The following WIF1 variants were observed in gnomAD, a reference collection of about 807,000 sequenced individuals.
The protein encoded by WIF1 is Wnt inhibitory factor 1.
In WIF1, 35 loss-of-function variants were observed where a neutral mutation model predicts 53.5. That is an observed-to-expected ratio of 0.65 (90% CI 0.50 to 0.87). WIF1 has a LOEUF of 0.87. Among genes scored for constraint, WIF1 ranks in the 40% least tolerant of loss-of-function variants. The pLI is 0.00. For missense variants in WIF1, 467 were observed against 476.8 expected (o/e 0.98, Z 0.19); for synonymous variants, 171 against 170.4 (o/e 1.00, Z -0.03).
chr12:65,084,082 T>C (rs1882998807), intron 2 of WIF1, among the ~76,000 whole-genome samples: 1 of 152,102 alleles, frequency 6.6e-6, no homozygotes, highest in East Asian at 1.9e-4. Context: ...GGGTTATTGC[T>C]GTTTCTTACC....
intron 2 of WIF1, among the ~76,000 whole-genome samples, chr12:65,114,076 A>T (rs796854210): frequency 6.6e-6 from 1 of 152,220 alleles, no homozygotes; most frequent in East Asian, 1.9e-4. Flanking sequence ...AATAAGTGTT[A>T]CCATAACTGC....
At chr12:65,093,380 G>A (rs1440013301) in intron 2 of WIF1, among the ~76,000 whole-genome samples, 2 of 151,898 alleles carry the variant, frequency 1.3e-5, no homozygotes, top group Non-Finnish European at 2.9e-5. Flanking sequence ...TGTTTTTTTT[G>A]TTTGTTTTTT....
intron 2 of WIF1, among the ~76,000 whole-genome samples, chr12:65,098,779 A>C (rs1883240831): frequency 6.6e-6 from 1 of 152,106 alleles, no homozygotes; most frequent in Non-Finnish European, 1.5e-5. Flanking sequence ...TGATATGGTG[A>C]TGTTGTATCC....
intron 9 of WIF1, among the ~76,000 whole-genome samples, chr12:65,053,127 T>G (rs1292533044): frequency 6.6e-6 from 1 of 152,226 alleles, no homozygotes; most frequent in Non-Finnish European, 1.5e-5. Context: ...CCTATAGGTC[T>G]TTTAGTCCAA....
At chr12:65,068,649 ATGTGTGTGTGTGTGTGTGTGTG>A (rs10590995) in intron 4 of WIF1, 93 bp downstream of exon 4, 8 of 1,005,186 alleles carry the variant, frequency 8.0e-6, no homozygotes, top group Admixed American at 2.8e-5. Flanking sequence ...CCAAAAAACC[ATGTGTGTGTGTGTGTGTGTGTG>A]TGTGTGTGTG....
rs765588592 is a variant in WIF1, at chr12:65,068,758, G to A, written c.538+6C>T. ...TGTCTTCTCTTGAATCACCATCGGTGCTTACCTTGTTGACATGTTTTAAAG... is the reference window on the plus strand; with the variant it reads ...TGTCTTCTCTTGAATCACCATCGGTACTTACCTTGTTGACATGTTTTAAAG... On this transcript the variant is annotated splice_donor_region_variant and intron_variant, in intron 4 of 9. Transcript: ENST00000286574. 2 of 1,612,924 alleles carry A rather than the reference G, an allele frequency of 1.2e-6. No homozygotes were observed. The highest frequency in any genetic ancestry group is 2.2e-5 in the East Asian group (1 of 44,840).
chr12:65,100,903 A>G (rs1883272892), intron 2 of WIF1, among the ~76,000 whole-genome samples: 1 of 151,930 alleles, frequency 6.6e-6, no homozygotes, highest in Non-Finnish European at 1.5e-5. Flanking sequence ...TAGCCACTTA[A>G]AAAAAAACCA....
In WIF1 at chr12:65,121,305, T is replaced by C. The variant is rs1883608549; in HGVS notation, c.-114A>G. The C allele has an allele frequency of 3.2e-6, 4 of 1,265,948 alleles. No individual in the cohort carries two copies. Among genetic ancestry groups the C allele is most frequent in the Non-Finnish European group, 4.0e-6 (4 of 1,000,546 alleles). 78.4% of individuals were successfully genotyped at this position (1,265,948 alleles called of 1,614,324 possible). A position where few individuals can be genotyped will look rare whatever the true frequency, so the allele number is the denominator to read the frequency against. On this transcript the variant is annotated 5_prime_UTR_variant, in exon 1 of 10. Transcript: ENST00000286574. ...TCCCTCAGCCAGGGCTGTTCCCGTT[T>C]AGACGGCTGGGCGCGTCGCCTCCCG...
At chr12:65,074,281 T>C (rs545878575) in intron 3 of WIF1, among the ~76,000 whole-genome samples, 1 of 152,108 alleles carries the variant, frequency 6.6e-6, no homozygotes, top group South Asian at 2.1e-4. Context: ...GCACTTAGGA[T>C]ACAAGCATTA....
At chr12:65,086,703 CT>C (rs35313351) in intron 2 of WIF1, among the ~76,000 whole-genome samples, 2,605 of 134,238 alleles carry the variant, frequency 0.019, 34 homozygotes, top group Non-Finnish European at 0.028. Flanking sequence ...GTGTTTCTTT[CT>C]TTTTTTTTTT....
At chr12:65,086,991 T>TAA (rs371787646) in intron 2 of WIF1, among the ~76,000 whole-genome samples, 1 of 146,538 alleles carries the variant, frequency 6.8e-6, no homozygotes, top group Non-Finnish European at 1.5e-5. Flanking sequence ...AAATAATAAT[T>TAA]AAAAAAAAAA....
Position 65,051,374 on chromosome 12 carries a change from G to T in WIF1, c.1115C>A (p.Pro372Gln). The change falls in exon 10 of 10, where the codon CCA (proline) becomes CAA (glutamine). Residue 372 changes from proline (P) to glutamine (Q), a missense_variant. Pro to Gln is a moderately conservative substitution (Grantham distance 76, BLOSUM62 -1). Transcript: ENST00000286574. ...TCACCAGATGTAATTGGATTCAGGT[G>T]GATCCCGCCGCTCCTCGGCCTTTTT... Reference protein sequence around the residue: ...SLKKAEERRDPPESNYIW With the variant: ...SLKKAEERRDQPESNYIW 6.2e-7 allele frequency: 1 copy of T among 1,613,766 alleles called. No individual in the cohort carries two copies. The highest frequency in any genetic ancestry group is 8.5e-7 in the Non-Finnish European group (1 of 1,179,856).
At chr12:65,106,798 T>C (rs949963459) in intron 2 of WIF1, among the ~76,000 whole-genome samples, 2 of 152,222 alleles carry the variant, frequency 1.3e-5, no homozygotes, top group African/African-American at 2.4e-5. Flanking sequence ...TCTGCTCTTC[T>C]GTGTCTTCTA....
intron 7 of WIF1, among the ~76,000 whole-genome samples, chr12:65,056,452 C>T (rs6581599): frequency 0.98 from 140,798 of 143,038 alleles, 69,300 homozygotes; most frequent in East Asian, 1. Flanking sequence ...CTTGATCTCC[C>T]GACCTCAAGT....
In WIF1 at chr12:65,051,349, T is replaced by C. The variant is rs1281421579; in HGVS notation, c.1140A>G (p.Ter380TrpextTer8). The change falls in exon 10 of 10, where the codon TGA (stop) becomes TGG (tryptophan). Residue 380 changes from the stop codon to tryptophan (W), a stop_lost. Transcript: ENST00000286574. ...RDPPESNYIW[*>W] is the part of the protein sequence containing the mutation. ...CTTAAAACGTTTCAGATGTCGGAGTTCACCAGATGTAATTGGATTCAGGTG... is the reference window on the plus strand; with the variant it reads ...CTTAAAACGTTTCAGATGTCGGAGTCCACCAGATGTAATTGGATTCAGGTG... 1 of 1,612,080 alleles carries C rather than the reference T, an allele frequency of 6.2e-7. No homozygotes were observed. The highest frequency in any genetic ancestry group is 1.1e-5 in the South Asian group (1 of 90,624).
intron 2 of WIF1, among the ~76,000 whole-genome samples, chr12:65,092,768 A>T (rs1303890078): frequency 1.3e-5 from 2 of 152,032 alleles, no homozygotes; most frequent in Non-Finnish European, 2.9e-5. Flanking sequence ...CATGCAGCTC[A>T]TGGGGAAGCA....
chr12:65,073,978 AG>A (rs1164341322), intron 3 of WIF1, among the ~76,000 whole-genome samples: 1 of 152,070 alleles, frequency 6.6e-6, no homozygotes, highest in African/African-American at 2.4e-5. Context: ...TTCCCAAAGA[AG>A]GCTTGTTGTT....
At chr12:65,110,312 A>C (rs1883411239) in intron 2 of WIF1, among the ~76,000 whole-genome samples, 1 of 151,326 alleles carries the variant, frequency 6.6e-6, no homozygotes, top group Non-Finnish European at 1.5e-5. Context: ...AGCCTCATTA[A>C]CATTTCCCAG....
intron 9 of WIF1, among the ~76,000 whole-genome samples, chr12:65,053,408 T>C (rs1304454616): frequency 6.6e-6 from 1 of 152,084 alleles, no homozygotes; most frequent in Non-Finnish European, 1.5e-5. Context: ...CAGGTGGAGG[T>C]AATTGAATCA....
Sources: allele counts gnomAD v4.1 joint callset (sites outside exome capture counted in the v4.1 genomes callset), GRCh38; gene constraint gnomAD v4.1.1; transcripts MANE v1.5; gene names NCBI Gene and HGNC (gene_info 2026-07-23, HGNC 2026-07-21).